Variants in SPATA9 observed in about 807,000 individuals in gnomAD.
SPATA9 encodes the protein spermatogenesis-associated protein 9.
SPATA9 carries 27 observed loss-of-function variants against 25.5 expected under a neutral mutation model. That is an observed-to-expected ratio of 1.06 (90% CI 0.78 to 1.46). SPATA9 has a LOEUF of 1.46. Among genes scored for constraint, SPATA9 ranks in the 40% most tolerant of loss-of-function variants. The pLI, the probability that SPATA9 is intolerant of heterozygous loss-of-function variation, is 0.00. For synonymous variants in SPATA9, 102 were observed against 105.7 expected, an observed-to-expected ratio of 0.97 and a Z score of 0.21; for missense variants, 282 against 297.5, an observed-to-expected ratio of 0.95 and a Z score of 0.38.
At chr5:95,670,712 C>G (rs959490595) in intron 3 of SPATA9, among the ~76,000 whole-genome samples, 8 of 152,334 alleles carry the variant, frequency 5.3e-5, no homozygotes, top group African/African-American at 1.7e-4. Context: ...TGAACTCTGT[C>G]TGATGCGGCT....
At chr5:95,715,523 C>T in the SPATA9 span, among the ~76,000 whole-genome samples, 1 of 152,216 alleles carries the variant, frequency 6.6e-6, no homozygotes, top group South Asian at 2.1e-4. Flanking sequence ...GAAATTCAAA[C>T]AATAGAATAT....
intron 2 of SPATA9, among the ~76,000 whole-genome samples, chr5:95,678,251 C>T (rs1474270154): frequency 6.6e-6 from 1 of 152,150 alleles, no homozygotes; most frequent in Non-Finnish European, 1.5e-5. Flanking sequence ...GTGGCAGGCA[C>T]CTGTAATCCC....
chr5:95,697,689 C>T (rs373214212), intron 1 of SPATA9, among the ~76,000 whole-genome samples: 17 of 152,268 alleles, frequency 1.1e-4, no homozygotes, highest in Admixed American at 4.6e-4. Flanking sequence ...CAAGTTTTCC[C>T]GAGTTCTAAT....
chr5:95,683,524 A>G (rs748388059), upstream of SPATA9, among the ~76,000 whole-genome samples: 7 of 151,984 alleles, frequency 4.6e-5, no homozygotes, highest in Non-Finnish European at 8.8e-5. Context: ...CTAGTTTTAT[A>G]TATATATAGT....
At chr5:95,731,265 T>C in the SPATA9 span, 1 of 1,009,736 alleles carries the variant, frequency 9.9e-7, no homozygotes, top group Non-Finnish European at 1.2e-6. Context: ...CCCGGTCCGC[T>C]GAGGGGGCGG....
chr5:95,678,096 G>T (rs1181475891), intron 2 of SPATA9, among the ~76,000 whole-genome samples: 1 of 152,156 alleles, frequency 6.6e-6, no homozygotes, highest in Non-Finnish European at 1.5e-5. Flanking sequence ...TAACTTTCTG[G>T]CCAGGCACCA....
chr5:95,707,654 T>C, the SPATA9 span, among the ~76,000 whole-genome samples: 34,607 of 152,082 alleles, frequency 0.23, 4,189 homozygotes, highest in East Asian at 0.5. Context: ...TGGGAACTGC[T>C]GATATAGCTT....
intron 1 of SPATA9, among the ~76,000 whole-genome samples, chr5:95,689,906 GC>G: frequency 6.6e-6 from 1 of 152,200 alleles, no homozygotes; most frequent in Non-Finnish European, 1.5e-5. Context: ...AGAGCTGAAG[GC>G]CATTATCCTA....
chr5:95,671,619 A>G (rs1752384135), intron 3 of SPATA9, among the ~76,000 whole-genome samples: 1 of 152,138 alleles, frequency 6.6e-6, no homozygotes. Flanking sequence ...CATGTTAGCC[A>G]GGCTGGTCTT....
the SPATA9 span, among the ~76,000 whole-genome samples, chr5:95,727,135 A>C: frequency 6.6e-6 from 1 of 152,152 alleles, no homozygotes; most frequent in Non-Finnish European, 1.5e-5. Flanking sequence ...ATGAATATGA[A>C]ACTTTAATAT....
intron 3 of SPATA9, among the ~76,000 whole-genome samples, chr5:95,669,564 G>T (rs931688573): frequency 2.0e-5 from 3 of 152,126 alleles, no homozygotes; most frequent in African/African-American, 7.2e-5. Flanking sequence ...ATACCATGCC[G>T]CAGTATGCAT....
At chr5:95,663,253 A>G (rs1237882564) in intron 4 of SPATA9, among the ~76,000 whole-genome samples, 1 of 152,194 alleles carries the variant, frequency 6.6e-6, no homozygotes, top group African/African-American at 2.4e-5. Context: ...GCAAAAGACA[A>G]ACACAAAAGA....
At position 95,682,405 on chromosome 5, in the gene SPATA9, C is replaced by T. The variant is rs558354352; in HGVS notation, c.150+123G>A. ...ATATTTGAAATTTGTTTTTCTGAGG[C>T]AAAATTAGTGTTTTCTAAAGTTTTG... On this transcript the variant is annotated intron_variant, in intron 2 of 4. Coordinates refer to ENST00000274432, the MANE Select transcript of SPATA9 (RefSeq NM_031952.4). 4.1e-5 allele frequency: 29 copies of T among 709,352 alleles called. 1 individual carries two copies. The African/African-American group carries it at 5.3e-4, about 13-fold the overall frequency. The allele number at this position is 709,352 out of a possible 1,614,324, so 43.9% of individuals were successfully genotyped here.
chr5:95,723,931 A>C, the SPATA9 span, among the ~76,000 whole-genome samples: 1 of 152,216 alleles, frequency 6.6e-6, no homozygotes, highest in East Asian at 1.9e-4. Context: ...AATTACATGC[A>C]TATGTTACTA....
chr5:95,708,482 A>G, the SPATA9 span, among the ~76,000 whole-genome samples: 73,756 of 152,070 alleles, frequency 0.49, 19,299 homozygotes, highest in African/African-American at 0.69. Flanking sequence ...CACGAGTTAT[A>G]GAATGAAGAT....
upstream of SPATA9, among the ~76,000 whole-genome samples, chr5:95,699,068 T>G (rs1470105714): frequency 1.3e-5 from 2 of 152,200 alleles, no homozygotes; most frequent in African/African-American, 4.8e-5. Flanking sequence ...TTTAATAAAG[T>G]GCTTTCAATG....
At chr5:95,682,420 CT>C in intron 2 of SPATA9, 107 bp downstream of exon 2, 1 of 802,178 alleles carries the variant, frequency 1.2e-6, no homozygotes. Flanking sequence ...TTAGTGTTTT[CT>C]AAAGTTTTGA....
the SPATA9 span, among the ~76,000 whole-genome samples, chr5:95,705,522 A>C: frequency 6.6e-6 from 1 of 152,152 alleles, no homozygotes; most frequent in Non-Finnish European, 1.5e-5. Flanking sequence ...TTATGTACAG[A>C]ACTAAGTGAT....
At chr5:95,730,977 C>T in the SPATA9 span, 5 of 557,898 alleles carry the variant, frequency 9.0e-6, no homozygotes, top group Non-Finnish European at 1.6e-5. Context: ...CCTAGCTTCC[C>T]TAACCTCCTT....
Sources: gnomAD v4.1 joint callset for allele counts (sites outside exome capture counted in the v4.1 genomes callset) on GRCh38, gnomAD v4.1.1 for gene constraint, MANE v1.5 for transcripts, NCBI Gene and HGNC (gene_info 2026-07-23, HGNC 2026-07-21) for gene names.